Variants in LRMDA observed in about 807,000 individuals in gnomAD.
The protein encoded by LRMDA is leucine rich melanocyte differentiation associated.
A neutral mutation model predicts 29.8 loss-of-function variants in LRMDA; 18 were observed. That is an observed-to-expected ratio of 0.60 (90% CI 0.42 to 0.90). The LOEUF is 0.90. LRMDA is among the 40% of genes least tolerant of loss of function. The probability of loss-of-function intolerance (pLI) is 0.00; values close to 1 mark genes in which losing one functional copy is unlikely to be tolerated. For synonymous variants in LRMDA, 125 were observed against 109.4 expected (o/e 1.14, Z -0.89); for missense variants, 273 against 273.9 (o/e 1.00, Z 0.02).
At chr10:75,654,384 A>G (rs1841640920) in intron 2 of LRMDA, among the ~76,000 whole-genome samples, 1 of 152,210 alleles carries the variant, frequency 6.6e-6, no homozygotes. Flanking sequence ...AGCCACCAAC[A>G]GTTCTTACCC....
intron 5 of LRMDA, among the ~76,000 whole-genome samples, chr10:76,210,251 C>T (rs1329917341): frequency 6.6e-6 from 1 of 152,082 alleles, no homozygotes; most frequent in African/African-American, 2.4e-5. Context: ...GGTTTCAAGC[C>T]CTGCTACTAC....
At chr10:75,910,184 G>T (rs963801426) in intron 2 of LRMDA, among the ~76,000 whole-genome samples, 2 of 151,978 alleles carry the variant, frequency 1.3e-5, no homozygotes, top group Non-Finnish European at 1.5e-5. Context: ...TTCTAATTTC[G>T]CCACTTTATG....
In LRMDA at chr10:76,324,718, A is replaced by AT. The variant is rs150134041; in HGVS notation, c.601+242dup. Among the ~76,000 whole-genome samples, 164 of 151,652 alleles carry AT rather than the reference A, an allele frequency of 1.1e-3. 1 individual carries two copies. The highest frequency in any genetic ancestry group is 3.5e-3 in the African/African-American group (146 of 41,362). ...ATCTACGGTATAATATAATTTTGTG[A>AT]TTTTTTTTTCTTTAAATAAAGAGAT... On this transcript the variant is annotated intron_variant, in intron 6 of 6. Coordinates refer to ENST00000611255, the MANE Select transcript of LRMDA (RefSeq NM_001305581.2).
intron 5 of LRMDA, among the ~76,000 whole-genome samples, chr10:76,196,611 G>T (rs1179201561): frequency 6.6e-6 from 1 of 152,098 alleles, no homozygotes; most frequent in Non-Finnish European, 1.5e-5. Flanking sequence ...CAGAATACTG[G>T]GCCAGATCCC....
At chr10:75,814,215 A>G (rs1014734927) in intron 2 of LRMDA, among the ~76,000 whole-genome samples, 1 of 152,160 alleles carries the variant, frequency 6.6e-6, no homozygotes, top group Non-Finnish European at 1.5e-5. Flanking sequence ...CAAAGCAGGT[A>G]TTGATCTTGT....
intron 2 of LRMDA, among the ~76,000 whole-genome samples, chr10:75,825,923 G>A (rs1468466128): frequency 2.0e-5 from 3 of 152,138 alleles, no homozygotes; most frequent in African/African-American, 7.2e-5. Context: ...CATAAACAGC[G>A]GCTGCATGTG....
At chr10:76,489,718 T>C (rs1447660054) in intron 6 of LRMDA, among the ~76,000 whole-genome samples, 2 of 151,944 alleles carry the variant, frequency 1.3e-5, no homozygotes, top group Non-Finnish European at 1.5e-5. Flanking sequence ...ACATTATCAG[T>C]CATTTCAAAA....
chr10:75,532,611 G>A (rs1845490724), intron 2 of LRMDA, among the ~76,000 whole-genome samples: 1 of 152,104 alleles, frequency 6.6e-6, no homozygotes, highest in African/African-American at 2.4e-5. Context: ...AGCTAACTTT[G>A]TACTCTTATT....
At position 75,956,665 on chromosome 10, in the gene LRMDA, G is replaced by A. The variant is rs140605266; in HGVS notation, c.132-79343G>A. On this transcript the variant is annotated intron_variant, in intron 2 of 6. Coordinates refer to ENST00000611255, the MANE Select transcript of LRMDA (RefSeq NM_001305581.2). ...GCTGCTTCTACCTGGTTGCTCTGTC[G>A]TTCTTTAACTGGTCATTCTTGTCTT... Among the ~76,000 whole-genome samples the A allele has an allele frequency of 4.3e-3, 655 of 152,210 alleles. 1 individual carries two copies. In the Middle Eastern group the frequency reaches 0.048, roughly 11 times the overall value.
intron 6 of LRMDA, among the ~76,000 whole-genome samples, chr10:76,345,736 T>G (rs953212324): frequency 2.6e-5 from 4 of 152,080 alleles, no homozygotes; most frequent in Admixed American, 6.6e-5. Flanking sequence ...ATAAACAAAT[T>G]GAATTTTCAA....
At chr10:75,438,354 T>A in intron 1 of LRMDA, 40 bp from the exon 2 acceptor site, 2 of 1,481,750 alleles carry the variant, frequency 1.3e-6, no homozygotes, top group Non-Finnish European at 9.2e-7. Flanking sequence ...GCTGGGTGAT[T>A]TCCATTTGCC....
intron 2 of LRMDA, among the ~76,000 whole-genome samples, chr10:75,684,232 T>C (rs1842056986): frequency 1.3e-5 from 2 of 152,222 alleles, no homozygotes; most frequent in Non-Finnish European, 2.9e-5. Flanking sequence ...TGAGGGTCCA[T>C]GGAGTCTCTT....
intron 2 of LRMDA, among the ~76,000 whole-genome samples, chr10:75,931,932 A>G (rs1271140666): frequency 6.6e-6 from 1 of 152,194 alleles, no homozygotes; most frequent in Non-Finnish European, 1.5e-5. Context: ...TGTCAAAGCT[A>G]TGTTAGGTCA....
At chr10:75,594,132 G>C (rs1840756884) in intron 2 of LRMDA, among the ~76,000 whole-genome samples, 1 of 152,230 alleles carries the variant, frequency 6.6e-6, no homozygotes, top group African/African-American at 2.4e-5. Flanking sequence ...GACCGAAAAT[G>C]TAGCATCAGG....
chr10:75,739,361 A>G (rs1281697803), intron 2 of LRMDA, among the ~76,000 whole-genome samples: 1 of 152,212 alleles, frequency 6.6e-6, no homozygotes, highest in Non-Finnish European at 1.5e-5. Flanking sequence ...CTCCTCGCTC[A>G]TGAATAATTA....
intron 1 of LRMDA, among the ~76,000 whole-genome samples, chr10:75,432,113 T>C (rs987866395): frequency 6.6e-6 from 1 of 152,268 alleles, no homozygotes; most frequent in Non-Finnish European, 1.5e-5. Flanking sequence ...TTTTAAAAAC[T>C]TTTGGTCAAA....
chr10:75,461,864 C>CATTG (rs1692602334), intron 2 of LRMDA, among the ~76,000 whole-genome samples: 1 of 152,200 alleles, frequency 6.6e-6, no homozygotes, highest in African/African-American at 2.4e-5. Context: ...TCGAAGGGGG[C>CATTG]ATTGGCCAGA....
intron 2 of LRMDA, among the ~76,000 whole-genome samples, chr10:75,574,410 A>C (rs1008069751): frequency 1.3e-5 from 2 of 152,094 alleles, no homozygotes; most frequent in African/African-American, 4.8e-5. Context: ...TGAAGTTTGA[A>C]ATCTCTCACT....
At chr10:75,663,059 T>C (rs1427906285) in intron 2 of LRMDA, among the ~76,000 whole-genome samples, 1 of 152,204 alleles carries the variant, frequency 6.6e-6, no homozygotes, top group African/African-American at 2.4e-5. Context: ...GTTGTGTTTA[T>C]GCTTTTCTCT....
Sources: gnomAD v4.1 joint callset for allele counts (sites outside exome capture counted in the v4.1 genomes callset) on GRCh38, gnomAD v4.1.1 for gene constraint, MANE v1.5 for transcripts, NCBI Gene and HGNC (gene_info 2026-07-23, HGNC 2026-07-21) for gene names.